The following CNTN4 variants were observed in gnomAD, a reference collection of about 807,000 sequenced individuals.
CNTN4 encodes contactin-4.
A neutral mutation model predicts 122.5 loss-of-function variants in CNTN4; 77 were observed. That is an observed-to-expected ratio of 0.63 (90% CI 0.52 to 0.76). The LOEUF (loss-of-function observed/expected upper bound fraction) is 0.76. CNTN4 is among the 30% of genes least tolerant of loss of function. The pLI is 0.00. For missense variants in CNTN4, 1,256 were observed against 1,259.1 expected (o/e 1.00, Z 0.04); for synonymous variants, 512 against 447.0 (o/e 1.15, Z -1.83).
intron 4 of CNTN4, among the ~76,000 whole-genome samples, chr3:2,720,549 A>G (rs997443369): frequency 6.6e-6 from 1 of 152,182 alleles, no homozygotes. Context: ...ACTCTCCTAG[A>G]GGCAAAAAAT....
chr3:2,846,941 C>T (rs2093466654), intron 7 of CNTN4, among the ~76,000 whole-genome samples: 1 of 151,938 alleles, frequency 6.6e-6, no homozygotes, highest in Non-Finnish European at 1.5e-5. Context: ...AGGCTGCAGC[C>T]GAGATCGCAC....
chr3:2,566,421 G>A (rs1361203472), intron 3 of CNTN4, among the ~76,000 whole-genome samples: 10 of 152,192 alleles, frequency 6.6e-5, no homozygotes, highest in Non-Finnish European at 1.5e-4. Flanking sequence ...AGGATTAAAT[G>A]AGAAGTGAAT....
intron 4 of CNTN4, among the ~76,000 whole-genome samples, chr3:2,719,963 G>A (rs989866760): frequency 6.6e-6 from 1 of 152,092 alleles, no homozygotes; most frequent in Non-Finnish European, 1.5e-5. Flanking sequence ...ATTCATTAAG[G>A]ATGGATCAGA....
At chr3:2,378,742 T>C (rs1575500033) in intron 3 of CNTN4, among the ~76,000 whole-genome samples, 1 of 152,300 alleles carries the variant, frequency 6.6e-6, no homozygotes, top group Admixed American at 6.5e-5. Context: ...GCTCCTTTTT[T>C]TTTTTGAAGA....
intron 4 of CNTN4, among the ~76,000 whole-genome samples, chr3:2,731,066 T>C (rs1017343821): frequency 6.6e-6 from 1 of 152,018 alleles, no homozygotes; most frequent in Non-Finnish European, 1.5e-5. Flanking sequence ...GATGTGGTCA[T>C]TTTTATTCTG....
rs144817724 is a variant in CNTN4 at position 2,702,955 on chromosome 3, G to C, written c.56-33260G>C. On this transcript the variant is annotated intron_variant, in intron 4 of 24. Coordinates refer to ENST00000418658, the MANE Select transcript of CNTN4 (RefSeq NM_175607.3). ...GGGTAAGACCCAGTTATCTTGGTTA[G>C]AGTGTCCTTTCTTGATATTCTCAGG... Among the ~76,000 whole-genome samples the C allele has an allele frequency of 5.2e-3, 798 of 152,302 alleles. 5 individuals are homozygous for C. The highest frequency in any genetic ancestry group is 0.018 in the African/African-American group (766 of 41,558).
intron 2 of CNTN4, among the ~76,000 whole-genome samples, chr3:2,150,586 C>T (rs1574946339): frequency 6.6e-6 from 1 of 152,208 alleles, no homozygotes; most frequent in Non-Finnish European, 1.5e-5. Flanking sequence ...GCTATCTCAG[C>T]TTGCACTTAA....
intron 3 of CNTN4, among the ~76,000 whole-genome samples, chr3:2,387,370 A>T (rs923430106): frequency 6.7e-6 from 1 of 149,470 alleles, no homozygotes; most frequent in South Asian, 2.1e-4. Context: ...TATTAAGAGT[A>T]AAAAGAACAT....
chr3:2,855,755 A>G (rs868340249), intron 7 of CNTN4, among the ~76,000 whole-genome samples: 1 of 152,180 alleles, frequency 6.6e-6, no homozygotes, highest in Non-Finnish European at 1.5e-5. Flanking sequence ...TCGCTGCTGC[A>G]TGCTTTCCTT....
intron 7 of CNTN4, among the ~76,000 whole-genome samples, chr3:2,826,485 T>A (rs1281085981): frequency 6.6e-6 from 1 of 152,222 alleles, no homozygotes; most frequent in African/African-American, 2.4e-5. Flanking sequence ...AGCTGGACCA[T>A]GCTGTATTTA....
At chr3:2,355,000 C>A (rs547212807) in intron 3 of CNTN4, among the ~76,000 whole-genome samples, 30 of 152,182 alleles carry the variant, frequency 2.0e-4, no homozygotes, top group Non-Finnish European at 4.3e-4. Context: ...CATAGCCTCC[C>A]AGTGGATAAG....
At chr3:2,266,918 A>T (rs1197495957) in intron 2 of CNTN4, among the ~76,000 whole-genome samples, 3 of 152,098 alleles carry the variant, frequency 2.0e-5, no homozygotes, top group African/African-American at 7.2e-5. Flanking sequence ...TGCAAAAGTT[A>T]TTTTTATTCC....
In CNTN4 at chr3:2,490,493, G is replaced by A. The variant is rs1232865746; in HGVS notation, c.-88-80923G>A. Among the ~76,000 whole-genome samples, 8 of 151,204 alleles carry A rather than the reference G, an allele frequency of 5.3e-5. No homozygotes were observed. In the East Asian group the frequency reaches 1.6e-3, roughly 30 times the overall value. On this transcript the variant is annotated intron_variant, in intron 3 of 24. Coordinates refer to ENST00000418658, the MANE Select transcript of CNTN4 (RefSeq NM_175607.3). ...GTTTTTCCTCATAAGCCATATTTTG[G>A]GGATATAATTTTACAAAGAGTAAAG...
chr3:2,454,000 C>G (rs992252141), intron 3 of CNTN4, among the ~76,000 whole-genome samples: 3 of 151,750 alleles, frequency 2.0e-5, no homozygotes, highest in African/African-American at 7.3e-5. Flanking sequence ...GTGCTTGTTG[C>G]ATGGATATCC....
chr3:2,707,699 A>G (rs1231213491), intron 4 of CNTN4, among the ~76,000 whole-genome samples: 1 of 152,050 alleles, frequency 6.6e-6, no homozygotes, highest in Non-Finnish European at 1.5e-5. Context: ...GCTGGATTGC[A>G]GTGGCTTGAT....
intron 4 of CNTN4, among the ~76,000 whole-genome samples, chr3:2,688,167 T>C (rs2085535617): frequency 6.6e-6 from 1 of 152,214 alleles, no homozygotes; most frequent in Non-Finnish European, 1.5e-5. Context: ...ATTATAAACT[T>C]CTTTATTGCA....
rs990293888 is a variant in CNTN4 at position 2,666,257 on chromosome 3, C to T, written c.56-69958C>T. 1.3e-4 allele frequency among the ~76,000 whole-genome samples: 20 copies of T among 152,174 alleles called. 1 individual carries two copies. The highest frequency in any genetic ancestry group is 2.9e-4 in the African/African-American group (12 of 41,526). ...CCAGCTATTTTGGGTATTAGAATAA[C>T]GGGTTTCATGTCCTTGGGGGGTTTA... is the stretch of plus-strand genomic sequence containing the variant. On this transcript the variant is annotated intron_variant, in intron 4 of 24. Coordinates refer to ENST00000418658, the MANE Select transcript of CNTN4 (RefSeq NM_175607.3).
intron 2 of CNTN4, among the ~76,000 whole-genome samples, chr3:2,217,322 G>T (rs1024380030): frequency 6.6e-6 from 1 of 152,034 alleles, no homozygotes; most frequent in Non-Finnish European, 1.5e-5. Context: ...CTGTCTTGTC[G>T]CCTTTCTGAC....
intron 4 of CNTN4, among the ~76,000 whole-genome samples, chr3:2,700,653 CA>C (rs5846211): frequency 2.0e-5 from 3 of 148,238 alleles, no homozygotes; most frequent in Non-Finnish European, 3.0e-5. Flanking sequence ...ATTCCCCTGG[CA>C]AAAAAAAAAA....
Sources: gnomAD v4.1 joint callset for allele counts (sites outside exome capture counted in the v4.1 genomes callset) on GRCh38, gnomAD v4.1.1 for gene constraint, MANE v1.5 for transcripts, NCBI Gene and HGNC (gene_info 2026-07-23, HGNC 2026-07-21) for gene names.